The following PARP8 variants were observed in gnomAD, a reference collection of about 807,000 sequenced individuals.
The protein encoded by PARP8 is poly(ADP-ribose) polymerase family member 8.
PARP8 carries 51 observed loss-of-function variants against 124.1 expected under a neutral mutation model. The ratio of observed to expected loss-of-function variants is 0.41; its 90% CI spans 0.33 to 0.52. The LOEUF is 0.52. Ranked by LOEUF, PARP8 falls within the 20% of genes least tolerant of loss-of-function variation. The pLI is 0.21. For missense variants in PARP8, 860 were observed against 1,018.9 expected (o/e 0.84, Z 2.12); for synonymous variants, 391 against 361.5 (o/e 1.08, Z -0.93).
At position 50,826,760 on chromosome 5, in the gene PARP8, T is replaced by C; in HGVS notation, c.1934T>C (p.Ile645Thr). The C allele has an allele frequency of 1.3e-6, 2 of 1,586,368 alleles. No individual in the cohort carries two copies. Among genetic ancestry groups the C allele is most frequent in the Non-Finnish European group, 8.5e-7 (1 of 1,171,280 alleles). The change falls in exon 19 of 26, where the codon ATA becomes ACA. Residue 645 changes from isoleucine (I) to threonine (T), a missense_variant. Ile to Thr is a moderately conservative substitution (Grantham distance 89). Around this residue, in one of 2 missense-constraint regions of PARP8, gnomAD observed 343 missense variants for 474.7 expected, o/e 0.72. Transcript: ENST00000281631. ...PLAHPLLQWV[I>T]SSNRSHIVKL... ...ATGGATCATTTTAATTTCAGGGTTA[T>C]ATCAAGTAATAGATCACATATTGTG...
intron 14 of PARP8, among the ~76,000 whole-genome samples, chr5:50,805,382 AC>A (rs1262958035): frequency 6.6e-6 from 1 of 151,734 alleles, no homozygotes; most frequent in Non-Finnish European, 1.5e-5. Context: ...TCATCACACA[AC>A]TCTTGTGGTT....
At chr5:50,703,856 A>C (rs1365284398) in intron 2 of PARP8, among the ~76,000 whole-genome samples, 1 of 151,564 alleles carries the variant, frequency 6.6e-6, no homozygotes, top group African/African-American at 2.4e-5. Flanking sequence ...GGCTGCAGTG[A>C]TCACTGCACT....
intron 22 of PARP8, 48 bp from the exon 23 acceptor site, chr5:50,832,733 G>A (rs1403581140): frequency 6.4e-7 from 1 of 1,574,748 alleles, no homozygotes; most frequent in Non-Finnish European, 8.7e-7. Context: ...ACTTTCAGCT[G>A]CATCAGACAG....
chr5:50,689,732 G>A (rs1752289759), intron 2 of PARP8, among the ~76,000 whole-genome samples: 2 of 152,122 alleles, frequency 1.3e-5, no homozygotes, highest in Admixed American at 1.3e-4. Flanking sequence ...GAGGTTGATG[G>A]GATCTAATTC....
intron 3 of PARP8, among the ~76,000 whole-genome samples, chr5:50,755,515 G>T (rs549727386): frequency 1.3e-5 from 2 of 152,126 alleles, no homozygotes; most frequent in African/African-American, 2.4e-5. Flanking sequence ...ATTTCTGAGG[G>T]CTCTGTATTG....
intron 2 of PARP8, among the ~76,000 whole-genome samples, chr5:50,747,154 G>GTT (rs370243477): frequency 1.4e-4 from 17 of 121,906 alleles, no homozygotes; most frequent in African/African-American, 4.9e-4. Flanking sequence ...TTTTTTGTTT[G>GTT]TTTGTTTTGT....
intron 14 of PARP8, among the ~76,000 whole-genome samples, chr5:50,808,667 A>G (rs908830661): frequency 1.1e-4 from 17 of 152,052 alleles, no homozygotes; most frequent in African/African-American, 4.1e-4. Flanking sequence ...CCGTTTGGGA[A>G]CAAAAGGAAA....
intron 15 of PARP8, among the ~76,000 whole-genome samples, chr5:50,817,703 A>T (rs1745258401): frequency 6.6e-6 from 1 of 152,198 alleles, no homozygotes; most frequent in Non-Finnish European, 1.5e-5. Flanking sequence ...TGATTGGTTT[A>T]TAATTCTGAA....
chr5:50,757,866 C>G (rs1760134218), intron 3 of PARP8, among the ~76,000 whole-genome samples: 1 of 152,108 alleles, frequency 6.6e-6, no homozygotes, highest in Non-Finnish European at 1.5e-5. Flanking sequence ...ATGCTATCCA[C>G]CTTACGGATT....
intron 14 of PARP8, among the ~76,000 whole-genome samples, chr5:50,814,636 A>T (rs189193030): frequency 7.2e-5 from 11 of 152,228 alleles, no homozygotes; most frequent in Non-Finnish European, 1.5e-5. Context: ...GGGGCCATAC[A>T]TCCCCACTGG....
At chr5:50,756,326 G>T (rs563219221) in intron 3 of PARP8, among the ~76,000 whole-genome samples, 8 of 151,820 alleles carry the variant, frequency 5.3e-5, no homozygotes, top group African/African-American at 1.9e-4. Flanking sequence ...GTTTGTCATA[G>T]ATAGCTCTTA....
At chr5:50,729,860 A>G (rs1478470100) in intron 2 of PARP8, among the ~76,000 whole-genome samples, 1 of 152,224 alleles carries the variant, frequency 6.6e-6, no homozygotes, top group Non-Finnish European at 1.5e-5. Context: ...CATTAGGACT[A>G]TTAAGCTTGG....
At chr5:50,817,987 A>T (rs1304848351) in intron 15 of PARP8, among the ~76,000 whole-genome samples, 1 of 152,058 alleles carries the variant, frequency 6.6e-6, no homozygotes, top group Admixed American at 6.6e-5. Flanking sequence ...GCTTAAACCT[A>T]ATATTTCTTT....
intron 2 of PARP8, among the ~76,000 whole-genome samples, chr5:50,678,902 G>A (rs941724063): frequency 2.0e-5 from 3 of 152,122 alleles, no homozygotes; most frequent in Admixed American, 1.3e-4. Flanking sequence ...AATTCTTGTT[G>A]TGAGCAACAT....
At chr5:50,676,649 T>G (rs1750673990) in intron 2 of PARP8, among the ~76,000 whole-genome samples, 2 of 152,180 alleles carry the variant, frequency 1.3e-5, no homozygotes, top group African/African-American at 4.8e-5. Flanking sequence ...TATGTTGGAG[T>G]GTACTTTCAG....
In PARP8 at chr5:50,668,121, A is replaced by G. The variant is rs748068439; in HGVS notation, c.142A>G (p.Arg48Gly). 6 of 1,609,544 alleles carry G rather than the reference A, an allele frequency of 3.7e-6. No homozygotes were observed. The highest frequency in any genetic ancestry group is 3.3e-5 in the South Asian group (3 of 90,938). Residue 48 changes from arginine (R) to glycine (G), a missense_variant, in exon 2 of 26, where the codon AGA becomes GGA. Coordinates refer to ENST00000281631, the MANE Select transcript of PARP8 (RefSeq NM_024615.4). ...TACTTTTACCTACGTTGGCGGCCCC[A>G]GAAGGTATTTATGTGTATAGAGTTG... The part of the protein sequence containing the change: ...TFTFTYVGGP[R>G]SVSYSVHVSE...
chr5:50,757,276 AC>A, intron 3 of PARP8: 2 of 405,756 alleles, frequency 4.9e-6, no homozygotes, highest in South Asian at 3.5e-5. Context: ...ATAAAAAAAA[AC>A]AGGCCAATAA....
chr5:50,733,024 G>C (rs552607012), intron 2 of PARP8, among the ~76,000 whole-genome samples: 1 of 151,826 alleles, frequency 6.6e-6, no homozygotes, highest in Non-Finnish European at 1.5e-5. Flanking sequence ...GTGAAAGGCC[G>C]GGCGCGGTGG....
At chr5:50,703,991 T>A (rs540116871) in intron 2 of PARP8, among the ~76,000 whole-genome samples, 1 of 152,290 alleles carries the variant, frequency 6.6e-6, no homozygotes, top group South Asian at 2.1e-4. Flanking sequence ...GATATAAAAT[T>A]CAATTGATTA....
Sources: allele counts gnomAD v4.1 joint callset (sites outside exome capture counted in the v4.1 genomes callset), GRCh38; gene constraint gnomAD v4.1.1; regional missense constraint gnomAD v4.1.1; transcripts MANE v1.5; gene names NCBI Gene and HGNC (gene_info 2026-07-23, HGNC 2026-07-21).